Variants in SND1 observed in about 807,000 individuals in gnomAD.
SND1 encodes the protein staphylococcal nuclease and tudor domain containing 1.
SND1 carries 38 observed loss-of-function variants against 121.7 expected under a neutral mutation model. The observed-to-expected ratio is 0.31, with a 90% CI of 0.24 to 0.41. The LOEUF (loss-of-function observed/expected upper bound fraction) is 0.41. Among genes scored for constraint, SND1 ranks in the 10% least tolerant of loss-of-function variants. SND1 has a pLI of 1.00. For missense variants in SND1, 868 were observed against 1,184.6 expected (o/e 0.73, Z 3.92); for synonymous variants, 401 against 447.4 (o/e 0.90, Z 1.31).
At chr7:127,957,789 C>A (rs958279221) in intron 15 of SND1, among the ~76,000 whole-genome samples, 16 of 152,296 alleles carry the variant, frequency 1.1e-4, no homozygotes, top group African/African-American at 3.6e-4. Flanking sequence ...CAACCTCCAC[C>A]TCCCAGGTTC....
At chr7:127,701,448 C>A in intron 5 of SND1, 125 bp downstream of exon 5, 2 of 1,006,766 alleles carry the variant, frequency 2.0e-6, no homozygotes, top group South Asian at 1.9e-5. Context: ...CATGGGAAAT[C>A]CTTAAGGTTA....
Position 128,081,326 on chromosome 7 carries a change from G to A in SND1, c.1969-34G>A, listed in dbSNP as rs775274760. On this transcript the variant is annotated intron_variant, in intron 17 of 23. Transcript: ENST00000354725. ...GTGTCTTTTATGACTTCACTTCCTC[G>A]CCCTCTTCTCACCTCTGCCGACTGA... The A allele has an allele frequency of 2.1e-5, 34 of 1,612,538 alleles. No homozygotes were observed. The South Asian group carries it at 2.4e-4, about 11-fold the overall frequency.
chr7:128,017,836 A>AAAAC (rs1803259268), intron 16 of SND1, among the ~76,000 whole-genome samples: 1 of 152,226 alleles, frequency 6.6e-6, no homozygotes, highest in Admixed American at 6.5e-5. Context: ...CCACATGTTA[A>AAAAC]ATGCTTCTAG....
In SND1 at chr7:128,005,907, T is replaced by C. The variant is rs566173459; in HGVS notation, c.1779+14851T>C. ...GTCCCCACCCCCAGCCCCCGACCTT[T>C]TTCTAAAGGACACAGCCTTCCTTTG... is the stretch of plus-strand genomic sequence containing the variant. On this transcript the variant is annotated intron_variant, in intron 16 of 23. Transcript: ENST00000354725. 6.6e-5 allele frequency among the ~76,000 whole-genome samples: 10 copies of C among 152,300 alleles called. No individual in the cohort carries two copies. The South Asian group carries it at 1.9e-3, about 28-fold the overall frequency.
At chr7:127,689,938 C>G (rs1013139377) in intron 2 of SND1, among the ~76,000 whole-genome samples, 2 of 106,810 alleles carry the variant, frequency 1.9e-5, no homozygotes, top group Non-Finnish European at 3.5e-5. Context: ...CCCCACCCCC[C>G]ACCCCAACGC....
chr7:128,030,834 C>G, intron 16 of SND1: 1 of 625,426 alleles, frequency 1.6e-6, no homozygotes, highest in Non-Finnish European at 2.6e-6. Context: ...GGTCTCCCAA[C>G]CCACCCTCAA....
At chr7:128,089,836 G>A (rs1027927943) in intron 22 of SND1, 144 bp downstream of exon 22, 19 of 747,412 alleles carry the variant, frequency 2.5e-5, no homozygotes, top group Non-Finnish European at 4.1e-5. Context: ...GTTTGTTGGT[G>A]TTTTTTTGTT....
At chr7:127,845,409 T>G (rs1799040074) in intron 12 of SND1, among the ~76,000 whole-genome samples, 1 of 152,254 alleles carries the variant, frequency 6.6e-6, no homozygotes, top group Non-Finnish European at 1.5e-5. Flanking sequence ...GGAGGTTTCG[T>G]CTTTGCCAGG....
intron 10 of SND1, among the ~76,000 whole-genome samples, chr7:127,751,116 GTGT>G (rs1268632676): frequency 3.3e-5 from 5 of 152,024 alleles, no homozygotes; most frequent in African/African-American, 7.2e-5. Flanking sequence ...TCTGTTTTAA[GTGT>G]TGTTGGTGTT....
chr7:127,781,333 G>A (rs1797716383), intron 10 of SND1, among the ~76,000 whole-genome samples: 1 of 152,130 alleles, frequency 6.6e-6, no homozygotes, highest in Non-Finnish European at 1.5e-5. Flanking sequence ...GACTTAGCTG[G>A]TTCTTGTTGA....
At chr7:127,810,345 G>T (rs1798313431) in intron 11 of SND1, among the ~76,000 whole-genome samples, 1 of 152,122 alleles carries the variant, frequency 6.6e-6, no homozygotes, top group Admixed American at 6.6e-5. Flanking sequence ...AGTGGTAGAA[G>T]AATACTGTGT....
At position 127,805,336 on chromosome 7, in the gene SND1, C is replaced by T. The variant is rs115241062; in HGVS notation, c.1153-2148C>T. On this transcript the variant is annotated intron_variant, in intron 10 of 23. Coordinates refer to ENST00000354725, the MANE Select transcript of SND1 (RefSeq NM_014390.4). Reference sequence around the variant, plus strand: ...GGCCTTGATCAGAGCTCAGCCACCCCAGAGGCTTCTATCTGGAGTATGTTG... The same window carrying T: ...GGCCTTGATCAGAGCTCAGCCACCCTAGAGGCTTCTATCTGGAGTATGTTG... Among the ~76,000 whole-genome samples, 441 of 152,282 alleles carry T rather than the reference C, an allele frequency of 2.9e-3. 1 individual carries two copies. Among genetic ancestry groups the T allele is most frequent in the African/African-American group, 9.1e-3 (378 of 41,546 alleles).
intron 16 of SND1, among the ~76,000 whole-genome samples, chr7:128,025,280 CAG>C (rs1286038600): frequency 3.9e-5 from 6 of 152,196 alleles, no homozygotes; most frequent in Non-Finnish European, 7.4e-5. Context: ...TAGCCAATAG[CAG>C]CCTGGGTGAG....
intron 11 of SND1, among the ~76,000 whole-genome samples, chr7:127,815,430 C>A (rs1430935401): frequency 6.6e-6 from 1 of 151,998 alleles, no homozygotes; most frequent in African/African-American, 2.4e-5. Flanking sequence ...TTGGAGGCCG[C>A]AGTGAACCAT....
At chr7:127,950,615 A>G (rs1375021952) in intron 15 of SND1, among the ~76,000 whole-genome samples, 2 of 152,184 alleles carry the variant, frequency 1.3e-5, no homozygotes, top group Non-Finnish European at 2.9e-5. Flanking sequence ...CCCATCCATG[A>G]AATGAAACTA....
chr7:127,752,856 T>C (rs927745867), intron 10 of SND1, among the ~76,000 whole-genome samples: 2 of 152,374 alleles, frequency 1.3e-5, no homozygotes, highest in East Asian at 3.9e-4. Context: ...TTTCAGCTTA[T>C]AGGCTGCACA....
chr7:128,030,526 C>A (rs779286066), intron 16 of SND1: 1 of 1,613,272 alleles, frequency 6.2e-7, no homozygotes, highest in Non-Finnish European at 8.5e-7. Flanking sequence ...CCGGCTGAGG[C>A]GGCAGCAGCG....
chr7:127,928,678 T>G (rs951726026), intron 14 of SND1, among the ~76,000 whole-genome samples: 2 of 152,074 alleles, frequency 1.3e-5, no homozygotes, highest in African/African-American at 4.8e-5. Flanking sequence ...AACCTCCACC[T>G]CCCAGGTTCA....
intron 14 of SND1, among the ~76,000 whole-genome samples, chr7:127,909,593 G>T (rs1015672563): frequency 2.0e-5 from 3 of 152,084 alleles, no homozygotes; most frequent in Admixed American, 2.0e-4. Context: ...GAGTAACTGG[G>T]TCTACAGGTG....
Sources: allele counts gnomAD v4.1 joint callset (sites outside exome capture counted in the v4.1 genomes callset), GRCh38; gene constraint gnomAD v4.1.1; transcripts MANE v1.5; gene names NCBI Gene and HGNC (gene_info 2026-07-23, HGNC 2026-07-21).